Variants in CIMIP2C observed in about 807,000 individuals in gnomAD.
CIMIP2C encodes ciliary microtubule inner protein 2C, also known as UPF0573 protein C2orf70.
chr2:26,578,258 A>G, the CIMIP2C span: 2 of 158,984 alleles, frequency 1.3e-5, no homozygotes, highest in Non-Finnish European at 2.8e-5. Flanking sequence ...ATTGGCTCAC[A>G]CGAGGTGTCC....
the CIMIP2C span, chr2:26,572,050 T>C: frequency 6.0e-6 from 9 of 1,510,756 alleles, no homozygotes; most frequent in Non-Finnish European, 8.0e-6. Flanking sequence ...AGAGAGAGGA[T>C]AAAAACCATC....
At chr2:26,562,766 C>A in the CIMIP2C span, 686 of 1,271,402 alleles carry the variant, frequency 5.4e-4, 3 homozygotes, top group African/African-American at 8.2e-3. Flanking sequence ...CCCCTGCCCC[C>A]GGACTTTGGG....
At chr2:26,571,008 G>A in the CIMIP2C span, among the ~76,000 whole-genome samples, 3 of 152,250 alleles carry the variant, frequency 2.0e-5, no homozygotes, top group East Asian at 5.8e-4. Context: ...GAGGTTGGAG[G>A]GGGCAGGGAT....
chr2:26,574,744 G>A, the CIMIP2C span, among the ~76,000 whole-genome samples: 1 of 152,244 alleles, frequency 6.6e-6, no homozygotes, highest in Non-Finnish European at 1.5e-5. Flanking sequence ...CAACAGAAAG[G>A]AGCAAAGGTG....
At chr2:26,575,444 A>G in the CIMIP2C span, among the ~76,000 whole-genome samples, 2 of 152,160 alleles carry the variant, frequency 1.3e-5, no homozygotes, top group East Asian at 3.9e-4. Context: ...CCCTGGAGGG[A>G]CAGTGATTTG....
At chr2:26,573,226 A>C in the CIMIP2C span, among the ~76,000 whole-genome samples, 4 of 152,052 alleles carry the variant, frequency 2.6e-5, no homozygotes, top group African/African-American at 9.7e-5. Flanking sequence ...GATGCAGCGT[A>C]TTCCTTAGTG....
the CIMIP2C span, among the ~76,000 whole-genome samples, chr2:26,572,578 T>A: frequency 1.3e-5 from 2 of 152,196 alleles, no homozygotes; most frequent in African/African-American, 2.4e-5. Flanking sequence ...TATCACTTCA[T>A]CTTTTTGCTG....
chr2:26,567,723 G>A, the CIMIP2C span, among the ~76,000 whole-genome samples: 2 of 152,216 alleles, frequency 1.3e-5, no homozygotes, highest in Non-Finnish European at 2.9e-5. Flanking sequence ...CCAGGAGGAG[G>A]TAGGGGACCC....
At chr2:26,575,824 C>T in the CIMIP2C span, 6 of 1,522,844 alleles carry the variant, frequency 3.9e-6, no homozygotes, top group East Asian at 1.4e-4. Flanking sequence ...GCATCCTCCA[C>T]TTTTAAGGGC....
the CIMIP2C span, among the ~76,000 whole-genome samples, chr2:26,565,259 T>G: frequency 6.6e-6 from 1 of 152,032 alleles, no homozygotes; most frequent in Non-Finnish European, 1.5e-5. Flanking sequence ...GCCGGCTAAT[T>G]TTTGTATTTT....
At chr2:26,576,315 C>G in the CIMIP2C span, 1 of 1,073,258 alleles carries the variant, frequency 9.3e-7, no homozygotes, top group South Asian at 1.6e-5. Context: ...GCCCCTGAGC[C>G]AGCAGAGAGC....
At chr2:26,578,181 C>T in the CIMIP2C span, 1 of 156,742 alleles carries the variant, frequency 6.4e-6, no homozygotes, top group Non-Finnish European at 1.4e-5. Flanking sequence ...CCCACTCTGC[C>T]CTGAAAGATG....
At chr2:26,576,174 A>G in the CIMIP2C span, 1 of 1,612,376 alleles carries the variant, frequency 6.2e-7, no homozygotes. Flanking sequence ...AATTTCTACC[A>G]GGTAAGCTGT....
the CIMIP2C span, among the ~76,000 whole-genome samples, chr2:26,568,275 G>T: frequency 6.6e-6 from 1 of 152,142 alleles, no homozygotes; most frequent in Non-Finnish European, 1.5e-5. Context: ...ACACACTTAG[G>T]GAGCCTCTGG....
chr2:26,579,500 C>T, the CIMIP2C span: 1 of 1,574,474 alleles, frequency 6.4e-7, no homozygotes, highest in Non-Finnish European at 8.6e-7. Flanking sequence ...GCCTGGCTTG[C>T]TTGGAATAAA....
the CIMIP2C span, among the ~76,000 whole-genome samples, chr2:26,576,383 C>A: frequency 1.3e-5 from 2 of 152,170 alleles, no homozygotes; most frequent in Non-Finnish European, 2.9e-5. Flanking sequence ...TCTGATCTCT[C>A]CCCACCTCCC....
the CIMIP2C span, chr2:26,576,033 A>T: frequency 6.2e-7 from 1 of 1,614,114 alleles, no homozygotes; most frequent in East Asian, 2.2e-5. Flanking sequence ...CAAGGCGGCC[A>T]TTTCCCCACC....
chr2:26,569,018 A>C, the CIMIP2C span, among the ~76,000 whole-genome samples: 1 of 1,088 alleles, frequency 9.2e-4, no homozygotes, highest in Admixed American at 0.031. Flanking sequence ...CTCAGTCTCA[A>C]AAAAAAAAAA....
At chr2:26,563,523 A>T in the CIMIP2C span, among the ~76,000 whole-genome samples, 5 of 152,208 alleles carry the variant, frequency 3.3e-5, no homozygotes, top group African/African-American at 1.2e-4. Flanking sequence ...GGTACTGAGA[A>T]CAGGCACTGG....
Sources: gnomAD v4.1 joint callset for allele counts (sites outside exome capture counted in the v4.1 genomes callset) on GRCh38, gnomAD v4.1.1 for gene constraint, MANE v1.5 for transcripts, NCBI Gene and HGNC (gene_info 2026-07-23, HGNC 2026-07-21) for gene names.